Variants in DDX3X observed in about 807,000 individuals in gnomAD.
DDX3X encodes the protein DEAD-box helicase 3 X-linked.
A neutral mutation model predicts 52.7 loss-of-function variants in DDX3X; 4 were observed. That is an observed-to-expected ratio of 0.08 (90% CI 0.04 to 0.17). DDX3X has a LOEUF of 0.17. Ranked by LOEUF, DDX3X falls within the 10% of genes least tolerant of loss-of-function variation. DDX3X has a pLI of 1.00. For synonymous variants in DDX3X, 192 were observed against 178.1 expected, an observed-to-expected ratio of 1.08 and a Z score of -0.62; for missense variants, 222 against 548.6, an observed-to-expected ratio of 0.40 and a Z score of 5.95.
intron 5 of DDX3X, among the ~76,000 whole-genome samples, chrX:41,359,937 G>A (rs761687255): frequency 3.7e-5 from 4 of 106,775 alleles, no homozygotes; most frequent in African/African-American, 1.4e-4. Context: ...AGCCGAGATC[G>A]CGCCACTGCA....
At chrX:41,357,299 T>C (rs2064013375) in intron 5 of DDX3X, among the ~76,000 whole-genome samples, 1 of 110,784 alleles carries the variant, frequency 9.0e-6, no homozygotes, top group South Asian at 3.8e-4. Context: ...CACTTTATTA[T>C]AGTTTTGCAA....
rs1360480522 is a variant in DDX3X, at chrX:41,343,425, T to C, written c.679+74T>C. 3 of 996,365 alleles carry C rather than the reference T, an allele frequency of 3.0e-6. No individual in the cohort carries two copies. The Admixed American group carries it at 1.1e-4, about 37-fold the overall frequency. 82.1% of individuals were successfully genotyped at this position (996,365 alleles called of 1,213,427 possible). ...CTAGACAATAAAATATTTTATTTTTTATGGGTCATGCAGTTTTGCAGCTGC... is the reference window on the plus strand; with the variant it reads ...CTAGACAATAAAATATTTTATTTTTCATGGGTCATGCAGTTTTGCAGCTGC... On this transcript the variant is annotated intron_variant, in intron 7 of 16. Transcript: ENST00000644876.
chrX:41,345,833 C>T, intron 12 of DDX3X: 1 of 278,409 alleles, frequency 3.6e-6, no homozygotes, highest in Non-Finnish European at 6.2e-6. Context: ...CTGCCTCAGT[C>T]TCCAGAGTAG....
In DDX3X at chrX:41,346,353, A is replaced by G; in HGVS notation, c.1440A>G (p.Arg480=). The change falls in exon 13 of 17, where the codon AGA becomes AGG. Residue 480 remains arginine, a synonymous_variant. Transcript: ENST00000644876. ...ATGGAGACCGTTCTCAGAGGGATAG[A>G]GAAGAGGCCCTTCACCAGTTCCGCT... ...SIHGDRSQRD[R]EEALHQFRSG... 8.3e-7 allele frequency: 1 copy of G among 1,211,781 alleles called. No homozygotes were observed. Among genetic ancestry groups the G allele is most frequent in the African/African-American group, 1.7e-5 (1 of 57,865 alleles).
intron 6 of DDX3X, 105 bp from the exon 7 acceptor site, chrX:41,343,111 T>G: frequency 2.1e-6 from 2 of 958,684 alleles, no homozygotes; most frequent in Non-Finnish European, 2.9e-6. Flanking sequence ...TTACTTAAAC[T>G]ATAAACTGAG....
chrX:41,362,941 C>T (rs183115967), intron 5 of DDX3X, among the ~76,000 whole-genome samples: 44 of 111,874 alleles, frequency 3.9e-4, no homozygotes, highest in Non-Finnish European at 6.0e-4. Context: ...TGTCTTCCTG[C>T]CTTGAAAGGA....
intron 1 of DDX3X, 82 bp from the exon 2 acceptor site, chrX:41,337,326 G>T: frequency 1.2e-6 from 1 of 867,932 alleles, no homozygotes; most frequent in Middle Eastern, 2.7e-4. Context: ...TGCAGTACTA[G>T]CAAATGCTAG....
rs963707980 is a variant in DDX3X, at chrX:41,347,132, A to G, written c.1769+120A>G. 48 of 941,170 alleles carry G rather than the reference A, an allele frequency of 5.1e-5. No individual in the cohort carries two copies. The East Asian group carries it at 5.3e-4, about 10-fold the overall frequency. The allele number at this position is 941,170 out of a possible 1,213,427, so 77.6% of individuals were successfully genotyped here. ...AGTATTTAAAAAGCTTAATCATCTTAGGCTTCCTAGATTCTTTGGTAAGGG... is the reference window on the plus strand; with the variant it reads ...AGTATTTAAAAAGCTTAATCATCTTGGGCTTCCTAGATTCTTTGGTAAGGG... On this transcript the variant is annotated intron_variant, in intron 15 of 16. Transcript: ENST00000644876.
intron 1 of DDX3X, chrX:41,334,671 T>C: frequency 1.9e-6 from 2 of 1,034,144 alleles, no homozygotes; most frequent in Non-Finnish European, 2.5e-6. Flanking sequence ...CTGGAGGCCC[T>C]TTTGGCTTGG....
chrX:41,335,697 T>A (rs1274500976), intron 1 of DDX3X: 1 of 112,335 alleles, frequency 8.9e-6, no homozygotes, highest in African/African-American at 3.2e-5. Context: ...TGTAGTCATA[T>A]GTAATATTTT....
rs144120586 is a variant in DDX3X, at chrX:41,358,361, C to T, written c.655-5913C>T. Among the ~76,000 whole-genome samples, 25 of 110,515 alleles carry T rather than the reference C, an allele frequency of 2.3e-4. No individual in the cohort carries two copies. The East Asian group carries it at 7.1e-3, about 31-fold the overall frequency. On this transcript the variant is annotated intron_variant, in intron 5 of 5. Coordinates refer to the DDX3X transcript ENST00000616050. Reference sequence around the variant, plus strand: ...AAAGTGCTGGGATTACAGGTGTGAGCCACCGTGCCTGGTCGACGCTTTCTA... The same window carrying T: ...AAAGTGCTGGGATTACAGGTGTGAGTCACCGTGCCTGGTCGACGCTTTCTA...
At chrX:41,355,076 C>T (rs1212147069), downstream of DDX3X, among the ~76,000 whole-genome samples, 1 of 111,493 alleles carries the variant, frequency 9.0e-6, no homozygotes, top group Non-Finnish European at 1.9e-5. Context: ...CCGCCTCGGC[C>T]TCCTAAGGTG....
intron 5 of DDX3X, among the ~76,000 whole-genome samples, chrX:41,363,657 C>T (rs749096007): frequency 2.7e-5 from 3 of 110,141 alleles, no homozygotes; most frequent in Non-Finnish European, 3.8e-5. Flanking sequence ...GTGGCGCATG[C>T]CTGTAATCCC....
Position 41,349,871 on chromosome X carries a change from TTTG to T in DDX3X, c.*2157_*2159del, listed in dbSNP as rs778479330. ...TGTGAAGTGTCCAGATTCTCAGATG[TTTG>T]TTGTGTGGATTTTGTTTAGTTGTGT... On this transcript the variant is annotated 3_prime_UTR_variant, in exon 17 of 17. Transcript: ENST00000644876. 1.4e-4 allele frequency: 15 copies of T among 109,415 alleles called. No homozygotes were observed. Among genetic ancestry groups the T allele is most frequent in the Admixed American group, 1.1e-3 (11 of 10,057 alleles). The allele number at this position is 109,415 out of a possible 1,213,427, so 9.0% of individuals were successfully genotyped here.
At chrX:41,334,432 C>A in intron 1 of DDX3X, 135 bp downstream of exon 1, 1 of 1,129,758 alleles carries the variant, frequency 8.9e-7, no homozygotes, top group Non-Finnish European at 1.2e-6. Context: ...GTGTGAGTGC[C>A]CCGGGGCTAT....
intron 5 of DDX3X, among the ~76,000 whole-genome samples, chrX:41,356,454 C>CTTTTTTTT (rs760583439): frequency 1.2e-4 from 8 of 65,654 alleles, no homozygotes; most frequent in African/African-American, 1.4e-4. Context: ...GCCAGTATTT[C>CTTTTTTTT]TTTTTTTTTT....
At chrX:41,335,612 G>C (rs941878478) in intron 1 of DDX3X, 1 of 111,885 alleles carries the variant, frequency 8.9e-6, no homozygotes, top group East Asian at 2.8e-4. Context: ...GATTAGGGGA[G>C]CGTTGATTTC....
At chrX:41,338,386 A>G (rs1216415645) in intron 2 of DDX3X, 2 of 111,821 alleles carry the variant, frequency 1.8e-5, no homozygotes, top group Non-Finnish European at 3.8e-5. Context: ...AAAATATTTA[A>G]TTCAGTCTAG....
At position 41,344,150 on chromosome X, in the gene DDX3X, T is replaced by G. The variant is rs753107889; in HGVS notation, c.864+22T>G. 4.8e-5 allele frequency: 57 copies of G among 1,186,999 alleles called. No homozygotes were observed. The South Asian group carries it at 6.4e-4, about 13-fold the overall frequency. On this transcript the variant is annotated intron_variant, in intron 9 of 16. Coordinates refer to ENST00000644876, the MANE Select transcript of DDX3X (RefSeq NM_001356.5). ...AAAAGTAAGTATGAGTTCCAGTGAT[T>G]ATTAGCTTTTTCATTGATTCTAATT...
Sources: gnomAD v4.1 joint callset for allele counts (sites outside exome capture counted in the v4.1 genomes callset) on GRCh38, gnomAD v4.1.1 for gene constraint, MANE v1.5 for transcripts, NCBI Gene and HGNC (gene_info 2026-07-23, HGNC 2026-07-21) for gene names.